E2F3: variants seen among roughly 807,000 people sequenced by gnomAD.
E2F3 encodes the protein E2F transcription factor 3.
In E2F3, 11 loss-of-function variants were observed where a neutral mutation model predicts 44.4. That is an observed-to-expected ratio of 0.25 (90% CI 0.16 to 0.41). The LOEUF (loss-of-function observed/expected upper bound fraction) is 0.41. Ranked by LOEUF, E2F3 falls within the 10% of genes least tolerant of loss-of-function variation. E2F3 has a pLI of 1.00. For missense variants in E2F3, 487 were observed against 583.6 expected (o/e 0.83, Z 1.70); for synonymous variants, 249 against 253.0 (o/e 0.98, Z 0.15).
chr6:20,490,706 A>C lies in E2F3; in HGVS notation c.*276A>C, dbSNP rs1299049691. On this transcript the variant is annotated 3_prime_UTR_variant, in exon 7 of 7. Coordinates refer to ENST00000346618, the MANE Select transcript of E2F3 (RefSeq NM_001949.5). The surrounding 1 kb of genome is among the most constrained non-coding windows in gnomAD (Gnocchi z 4.3). ...TAAGTCAGCAAGTGAGAAAATGTGC[A>C]ATCAGGTGTCTCTCACCCCGAATTG... is the stretch of plus-strand genomic sequence containing the variant. The C allele has an allele frequency of 3.4e-6, 1 of 294,650 alleles. No individual in the cohort carries two copies. The highest frequency in any genetic ancestry group is 6.2e-6 in the Non-Finnish European group (1 of 160,270). 18.3% of individuals were successfully genotyped at this position (294,650 alleles called of 1,614,324 possible).
At chr6:20,407,093 A>G (rs144539814) in intron 1 of E2F3, among the ~76,000 whole-genome samples, 92 of 152,312 alleles carry the variant, frequency 6.0e-4, no homozygotes, top group African/African-American at 2.1e-3. Context: ...CATAGGTGCT[A>G]TTTCAGCAGG....
chr6:20,434,644 C>T (rs555233427), intron 1 of E2F3, among the ~76,000 whole-genome samples: 4 of 152,190 alleles, frequency 2.6e-5, no homozygotes, highest in African/African-American at 9.6e-5. Context: ...TCTTCAGGTG[C>T]CTTATTAAGT....
At chr6:20,436,474 CACACAGAGAGAGAG>C (rs1388581806) in intron 1 of E2F3, among the ~76,000 whole-genome samples, 22 of 131,350 alleles carry the variant, frequency 1.7e-4, no homozygotes, top group African/African-American at 6.3e-4. Context: ...CACACACACA[CACACAGAGAGAGAG>C]AGAGAGAAAA....
At position 20,402,442 on chromosome 6, in the gene E2F3, TTCC is replaced by T. The variant is rs777827920; in HGVS notation, c.217_219del (p.Ser73del). The stretch of plus-strand genomic sequence containing the variant: ...CCACGAACACTTCCACCACCTCCTG[TTCC>T]TCCTCCCTCCAAAGCGGCGCCGTAG... On this transcript the variant is annotated inframe_deletion, in exon 1 of 7. Coordinates refer to ENST00000346618, the MANE Select transcript of E2F3 (RefSeq NM_001949.5). This position sits in a 1 kb window ranked among gnomAD's most constrained non-coding sequence, Gnocchi z 5.6. 1.7e-4 allele frequency: 279 copies of T among 1,607,820 alleles called. 2 individuals are homozygous for T. In the East Asian group the frequency reaches 6.3e-3, roughly 36 times the overall value.
chr6:20,413,399 C>T (rs147876525), intron 1 of E2F3, among the ~76,000 whole-genome samples: 36 of 152,314 alleles, frequency 2.4e-4, no homozygotes, highest in Non-Finnish European at 4.9e-4. Context: ...CTGCCACATC[C>T]ATTCACATAA....
chr6:20,439,398 T>C (rs1760698668), intron 1 of E2F3, among the ~76,000 whole-genome samples: 1 of 152,096 alleles, frequency 6.6e-6, no homozygotes, highest in South Asian at 2.1e-4. Context: ...TACTGAGACG[T>C]TTTGTTTGTT....
intron 1 of E2F3, among the ~76,000 whole-genome samples, chr6:20,459,684 C>G (rs1396565108): frequency 2.6e-5 from 4 of 152,080 alleles, no homozygotes; most frequent in Non-Finnish European, 5.9e-5. Flanking sequence ...CAGCCAGACT[C>G]TTCGTCCCAG....
At chr6:20,461,200 A>G (rs1204115393) in intron 1 of E2F3, among the ~76,000 whole-genome samples, 1 of 151,624 alleles carries the variant, frequency 6.6e-6, no homozygotes, top group Non-Finnish European at 1.5e-5. Context: ...TGACATTAAC[A>G]ATACATTTGA....
chr6:20,426,652 T>A (rs1022401279), intron 1 of E2F3, among the ~76,000 whole-genome samples: 2 of 152,370 alleles, frequency 1.3e-5, no homozygotes, highest in Admixed American at 1.3e-4. Context: ...GTGCTGTTGG[T>A]GACCAGTGGT....
chr6:20,450,082 CGG>C (rs1047803585), intron 1 of E2F3, among the ~76,000 whole-genome samples: 2 of 152,092 alleles, frequency 1.3e-5, no homozygotes, highest in Non-Finnish European at 2.9e-5. Context: ...AGTGAACATA[CGG>C]TATGCATGAG....
chr6:20,455,879 G>A (rs1029994484), intron 1 of E2F3, among the ~76,000 whole-genome samples: 4 of 152,078 alleles, frequency 2.6e-5, no homozygotes, highest in South Asian at 2.1e-4. Flanking sequence ...GAAATGATAC[G>A]CTGGCTGAGG....
chr6:20,485,352 G>A (rs1762357678), intron 4 of E2F3, among the ~76,000 whole-genome samples: 1 of 152,180 alleles, frequency 6.6e-6, no homozygotes, highest in African/African-American at 2.4e-5. Flanking sequence ...CCGGAGGCAG[G>A]CAGATCACTT....
chr6:20,490,661 A>G lies in E2F3; in HGVS notation c.*231A>G, dbSNP rs1278160464. Reference sequence around the variant, plus strand: ...CCTTGGGAAAGCCCTGCTTTGCTCCAGGCTCCAAGATCTCCTGGCTAAGTC... The same window carrying G: ...CCTTGGGAAAGCCCTGCTTTGCTCCGGGCTCCAAGATCTCCTGGCTAAGTC... On this transcript the variant is annotated 3_prime_UTR_variant, in exon 7 of 7. Transcript: ENST00000346618. This position sits in a 1 kb window ranked among gnomAD's most constrained non-coding sequence, Gnocchi z 4.3. 1.9e-5 allele frequency: 7 copies of G among 364,820 alleles called. No homozygotes were observed. The South Asian group carries it at 5.3e-4, about 28-fold the overall frequency. The allele number at this position is 364,820 out of a possible 1,614,324, so 22.6% of individuals were successfully genotyped here.
Position 20,492,486 on chromosome 6 carries a change from C to T in E2F3, c.*2056C>T. 1 of 233,478 alleles carries T rather than the reference C, an allele frequency of 4.3e-6. No homozygotes were observed. The allele number at this position is 233,478 out of a possible 1,614,324, so 14.5% of individuals were successfully genotyped here. ...TGGAAATGCACTGTGGGGTTTTTTC[C>T]TGTATGGGAAACCATTTATGCCAAG... On this transcript the variant is annotated 3_prime_UTR_variant, in exon 7 of 7. Transcript: ENST00000346618.
At chr6:20,485,164 G>A (rs372991021) in intron 4 of E2F3, among the ~76,000 whole-genome samples, 6 of 152,138 alleles carry the variant, frequency 3.9e-5, no homozygotes, top group South Asian at 4.2e-4. Context: ...AAATAATAAC[G>A]GGCTAAAGAC....
intron 1 of E2F3, among the ~76,000 whole-genome samples, chr6:20,426,153 C>G (rs1248552051): frequency 6.6e-6 from 1 of 152,162 alleles, no homozygotes; most frequent in Non-Finnish European, 1.5e-5. Flanking sequence ...AAATGATTAG[C>G]TGCTTAGTGA....
chr6:20,459,838 G>C (rs920357402), intron 1 of E2F3, among the ~76,000 whole-genome samples: 1 of 152,094 alleles, frequency 6.6e-6, no homozygotes, highest in Non-Finnish European at 1.5e-5. Context: ...GCTACTTGGG[G>C]GGTCGAGGTG....
chr6:20,468,845 G>C (rs774677363), intron 1 of E2F3, among the ~76,000 whole-genome samples: 7 of 152,210 alleles, frequency 4.6e-5, no homozygotes, highest in Non-Finnish European at 7.3e-5. Flanking sequence ...AAACATAGGA[G>C]AGAAAGTTCA....
chr6:20,457,527 G>A (rs999808267), intron 1 of E2F3, among the ~76,000 whole-genome samples: 2 of 151,864 alleles, frequency 1.3e-5, no homozygotes, highest in African/African-American at 4.8e-5. Context: ...CATCTACTGC[G>A]ACAGCATCCA....
Sources: gnomAD v4.1 joint callset for allele counts (sites outside exome capture counted in the v4.1 genomes callset) on GRCh38, gnomAD v4.1.1 for gene constraint, Gnocchi (gnomAD v3.1) non-coding constraint, MANE v1.5 for transcripts, NCBI Gene and HGNC (gene_info 2026-07-23, HGNC 2026-07-21) for gene names.